Variants in SCN9A observed in about 807,000 individuals in gnomAD.
The protein encoded by SCN9A is sodium voltage-gated channel alpha subunit 9.
Under a neutral mutation model 187.0 loss-of-function variants are expected in SCN9A, and 131 were observed. The observed-to-expected ratio is 0.70, with a 90% confidence interval of 0.61 to 0.81. SCN9A has a LOEUF of 0.81. Ranked by LOEUF, SCN9A falls within the 30% of genes least tolerant of loss-of-function variation. The probability of loss-of-function intolerance (pLI) is 0.00; values close to 1 mark genes in which losing one functional copy is unlikely to be tolerated. For missense variants in SCN9A, 2,252 were observed against 2,396.6 expected, an observed-to-expected ratio of 0.94 and a Z score of 1.26; for synonymous variants, 809 against 808.6, an observed-to-expected ratio of 1.00 and a Z score of -0.01.
intron 1 of SCN9A, among the ~76,000 whole-genome samples, chr2:166,358,246 C>G (rs1410043217): frequency 2.0e-5 from 3 of 151,436 alleles, no homozygotes; most frequent in Admixed American, 2.0e-4. Context: ...ATTTTTGTAC[C>G]TTTAGTAGAG....
At position 166,195,446 on chromosome 2, in the gene SCN9A, C is replaced by T. The variant is rs1269943394; in HGVS notation, c.*3226G>A. The T allele has an allele frequency of 1.3e-5, 2 of 152,082 alleles. No homozygotes were observed. Among genetic ancestry groups the T allele is most frequent in the Admixed American group, 6.6e-5 (1 of 15,260 alleles). The allele number at this position is 152,082 out of a possible 1,614,324, so 9.4% of individuals were successfully genotyped here. On this transcript the variant is annotated 3_prime_UTR_variant, in exon 27 of 27. Transcript: ENST00000642356. ...ACAGATATTTTTAAAAAATTGGTGG[C>T]CTTCATACATAGGTCCTAAACCCAG...
intron 24 of SCN9A, among the ~76,000 whole-genome samples, chr2:166,213,355 C>A (rs1471062189): frequency 6.6e-6 from 1 of 150,728 alleles, no homozygotes; most frequent in Non-Finnish European, 1.5e-5. Flanking sequence ...CAATTATACA[C>A]CAACAAATTG....
chr2:166,199,361 G>T lies in SCN9A; in HGVS notation c.5278C>A (p.Leu1760Met), dbSNP rs367959290. 9 of 1,614,144 alleles carry T rather than the reference G, an allele frequency of 5.6e-6. No individual in the cohort carries two copies. In the East Asian group the frequency reaches 1.3e-4, roughly 24 times the overall value. ...TCAGTGGCAACACTAAAATTCTCCA[G>T]TATGACTGCAATGTACATGTTCACC... is the stretch of plus-strand genomic sequence containing the variant. ...VVVNMYIAVI[L>M]ENFSVATEES... Residue 1760 changes from leucine to methionine, a missense_variant, in exon 27 of 27, where the codon CTG becomes ATG. By Grantham distance (15) the Leu-to-Met change is conservative. This residue lies in a region of SCN9A where 345 missense variants were observed against 344.6 expected (regional missense o/e 1.00). Transcript: ENST00000642356.
Position 166,228,616 on chromosome 2 carries a change from CTATT to C in SCN9A, c.4206+71_4206+74del, listed in dbSNP as rs1694946266. 12 of 1,212,142 alleles carry C rather than the reference CTATT, an allele frequency of 9.9e-6. No individual in the cohort carries two copies. The Middle Eastern group carries it at 6.0e-4, about 60-fold the overall frequency. The allele number at this position is 1,212,142 out of a possible 1,614,324, so 75.1% of individuals were successfully genotyped here. A position where few individuals can be genotyped will look rare whatever the true frequency, so the allele number is the denominator to read the frequency against. ...TTATCTTCAATTTATAATTAATATA[CTATT>C]TAAAGAATAACTTATATCCTTCGTC... On this transcript the variant is annotated intron_variant, in intron 22 of 26. Coordinates refer to ENST00000642356, the MANE Select transcript of SCN9A (RefSeq NM_001365536.1).
intron 1 of SCN9A, among the ~76,000 whole-genome samples, chr2:166,356,463 G>A (rs1700153218): frequency 6.6e-6 from 1 of 152,082 alleles, no homozygotes; most frequent in Non-Finnish European, 1.5e-5. Flanking sequence ...GAAAAGTTAG[G>A]TCCAAATTGC....
In SCN9A at chr2:166,238,089, C is replaced by T; in HGVS notation, c.3801+5G>A. Reference sequence around the variant, plus strand: ...CTCTTTTAAAATGTACTCAAAAGTACCTACATCAACAATTAGGAAATCCAG... The same window carrying T: ...CTCTTTTAAAATGTACTCAAAAGTATCTACATCAACAATTAGGAAATCCAG... On this transcript the variant is annotated splice_donor_5th_base_variant and intron_variant, in intron 20 of 26. Coordinates refer to ENST00000642356, the MANE Select transcript of SCN9A (RefSeq NM_001365536.1). 6.2e-7 allele frequency: 1 copy of T among 1,604,948 alleles called. No individual in the cohort carries two copies. Among genetic ancestry groups the T allele is most frequent in the Non-Finnish European group, 8.5e-7 (1 of 1,174,194 alleles).
chr2:166,214,314 A>G (rs1694225507), intron 24 of SCN9A, among the ~76,000 whole-genome samples: 1 of 151,976 alleles, frequency 6.6e-6, no homozygotes, highest in African/African-American at 2.4e-5. Flanking sequence ...ACCATCTTCC[A>G]ACTTCCCCAT....
intron 1 of SCN9A, among the ~76,000 whole-genome samples, chr2:166,330,177 A>AT (rs1367648444): frequency 6.6e-6 from 1 of 152,094 alleles, no homozygotes; most frequent in Non-Finnish European, 1.5e-5. Context: ...CATTCTACAG[A>AT]TTTTTTTAAC....
chr2:166,293,747 G>C (rs185675569), intron 8 of SCN9A, among the ~76,000 whole-genome samples: 6 of 152,118 alleles, frequency 3.9e-5, no homozygotes, highest in African/African-American at 9.7e-5. Context: ...ATAGTTCTTG[G>C]TTCAGTAAAT....
chr2:166,200,153 A>C (rs1197864977), intron 26 of SCN9A, among the ~76,000 whole-genome samples: 3 of 147,492 alleles, frequency 2.0e-5, no homozygotes, highest in Admixed American at 6.7e-5. Context: ...GCCCGCTACC[A>C]CGCCCGGCTA....
intron 2 of SCN9A, among the ~76,000 whole-genome samples, chr2:166,311,115 G>C (rs1348172128): frequency 3.2e-5 from 2 of 61,548 alleles, no homozygotes; most frequent in Non-Finnish European, 5.8e-5. Context: ...GGGGAGGGGG[G>C]AGGGATAGCA....
chr2:166,243,318 T>C (rs1250092745), intron 18 of SCN9A, among the ~76,000 whole-genome samples: 1 of 152,118 alleles, frequency 6.6e-6, no homozygotes, highest in Admixed American at 6.6e-5. Flanking sequence ...AAACCCTTGT[T>C]ACGTATCTTT....
Position 166,329,647 on chromosome 2 carries a change from C to G in SCN9A, c.-50-17841G>C, listed in dbSNP as rs141940569. The stretch of plus-strand genomic sequence containing the variant: ...CCAGGTGCCTGGGACACAATACTAA[C>G]TAGGTGGCCTTGATCCTTGTCCTCT... On this transcript the variant is annotated intron_variant, in intron 1 of 26. Coordinates refer to ENST00000642356, the MANE Select transcript of SCN9A (RefSeq NM_001365536.1). Among the ~76,000 whole-genome samples, 47 of 152,124 alleles carry G rather than the reference C, an allele frequency of 3.1e-4. No individual in the cohort carries two copies. The East Asian group carries it at 8.3e-3, about 27-fold the overall frequency.
intron 24 of SCN9A, among the ~76,000 whole-genome samples, chr2:166,224,345 T>C (rs1181273800): frequency 2.0e-5 from 3 of 152,200 alleles, no homozygotes; most frequent in Non-Finnish European, 4.4e-5. Context: ...TCTGTATTTG[T>C]AAATGTCAGG....
chr2:166,250,304 A>T lies in SCN9A; in HGVS notation c.3472+1461T>A, dbSNP rs79436627. Among the ~76,000 whole-genome samples, 96 of 152,282 alleles carry T rather than the reference A, an allele frequency of 6.3e-4. 1 individual carries two copies. In the East Asian group the frequency reaches 0.017, roughly 27 times the overall value. ...ATAAGTCATTAGCATCTGTGCTATCATAACTTCTGTATAAGATTGTTAACA... is the reference window on the plus strand; with the variant it reads ...ATAAGTCATTAGCATCTGTGCTATCTTAACTTCTGTATAAGATTGTTAACA... On this transcript the variant is annotated intron_variant, in intron 18 of 26. Transcript: ENST00000642356.
intron 20 of SCN9A, among the ~76,000 whole-genome samples, chr2:166,234,838 G>A (rs541003054): frequency 1.3e-5 from 2 of 152,208 alleles, no homozygotes; most frequent in East Asian, 3.9e-4. Context: ...ACAGTATTAA[G>A]AGGCAGAGCC....
chr2:166,210,410 T>C (rs1243940707), intron 24 of SCN9A, among the ~76,000 whole-genome samples: 1 of 151,064 alleles, frequency 6.6e-6, no homozygotes, highest in East Asian at 2.0e-4. Context: ...TGTATACATA[T>C]GTAACTAACC....
intron 7 of SCN9A, among the ~76,000 whole-genome samples, chr2:166,295,097 G>A (rs1698239759): frequency 6.6e-6 from 1 of 152,186 alleles, no homozygotes; most frequent in Admixed American, 6.5e-5. Context: ...GTGTGACAAA[G>A]AAGACAGCCA....
intron 10 of SCN9A, among the ~76,000 whole-genome samples, chr2:166,288,120 T>TATATATAC (rs56738765): frequency 7.4e-6 from 1 of 135,562 alleles, no homozygotes; most frequent in South Asian, 2.4e-4. Context: ...TATATATATA[T>TATATATAC]ACACACACAT....
Sources: gnomAD v4.1 joint callset for allele counts (sites outside exome capture counted in the v4.1 genomes callset) on GRCh38, gnomAD v4.1.1 for gene constraint, gnomAD v4.1.1 regional missense constraint, MANE v1.5 for transcripts, NCBI Gene and HGNC (gene_info 2026-07-23, HGNC 2026-07-21) for gene names.